Variants in ZNF845 observed in about 807,000 individuals in gnomAD.
ZNF845 encodes the protein zinc finger protein 845.
ZNF845 carries 59 observed loss-of-function variants against 76.1 expected under a neutral mutation model. The observed-to-expected ratio is 0.78, with a 90% CI of 0.63 to 0.96. The LOEUF (loss-of-function observed/expected upper bound fraction) is 0.96, where lower values mean the gene tolerates loss of function less well. ZNF845 is among the 40% of genes least tolerant of loss of function. ZNF845 has a pLI of 0.00. For missense variants in ZNF845, 1,045 were observed against 1,172.8 expected (o/e 0.89, Z 1.59); for synonymous variants, 361 against 386.9 (o/e 0.93, Z 0.78).
intron 1 of ZNF845, among the ~76,000 whole-genome samples, chr19:53,337,640 T>C (rs1206448459): frequency 2.0e-5 from 3 of 152,094 alleles, no homozygotes; most frequent in African/African-American, 7.2e-5. Context: ...GTAATCATGG[T>C]TCACTGCAAC....
rs1941565032 is a variant in ZNF845, at chr19:53,355,093, G to A, written c.*1505G>A. 6.6e-6 allele frequency: 1 copy of A among 151,874 alleles called. No homozygotes were observed. Among genetic ancestry groups the A allele is most frequent in the African/African-American group, 2.4e-5 (1 of 41,286 alleles). The allele number at this position is 151,874 out of a possible 1,614,324, so 9.4% of individuals were successfully genotyped here. A position where few individuals can be genotyped will look rare whatever the true frequency, so the allele number is the denominator to read the frequency against. On this transcript the variant is annotated 3_prime_UTR_variant, in exon 4 of 4. Transcript: ENST00000458035. ...TCCGTATAATTTTTTTGTATTTTTA[G>A]TAGAGACGGGGTTTCACCATGTTGA...
chr19:53,334,282 A>C (rs370278545), intron 1 of ZNF845, among the ~76,000 whole-genome samples: 2 of 152,098 alleles, frequency 1.3e-5, no homozygotes, highest in Non-Finnish European at 2.9e-5. Flanking sequence ...CCTGCCCTGC[A>C]CCAGCCCCTG....
At position 53,352,893 on chromosome 19, in the gene ZNF845, C is replaced by T. The variant is rs951367088; in HGVS notation, c.2218C>T (p.Leu740Phe). 2 of 1,610,364 alleles carry T rather than the reference C, an allele frequency of 1.2e-6. No individual in the cohort carries two copies. The highest frequency in any genetic ancestry group is 1.4e-5 in the African/African-American group (1 of 73,648). Reference sequence around the variant, plus strand: ...GTCATCCCTTACATGCCATCTTAGACTTCATACTGGAGAGAAACCTTACAA... The same window carrying T: ...GTCATCCCTTACATGCCATCTTAGATTTCATACTGGAGAGAAACCTTACAA... ...QKSSLTCHLR[L>F]HTGEKPYKCE... Residue 740 changes from leucine (L) to phenylalanine (F), a missense_variant, in exon 4 of 4, where the codon CTT (leucine) becomes TTT (phenylalanine). By Grantham distance (22) the Leu-to-Phe change is conservative (BLOSUM62 0). Coordinates refer to ENST00000458035, the MANE Select transcript of ZNF845 (RefSeq NM_138374.3).
chr19:53,340,196 C>T (rs564999090), intron 1 of ZNF845, among the ~76,000 whole-genome samples: 1 of 152,320 alleles, frequency 6.6e-6, no homozygotes, highest in Admixed American at 6.5e-5. Flanking sequence ...CGATTACAGG[C>T]GTGTGCTACC....
rs753814075 is a variant in ZNF845, at chr19:53,352,970, CAGG to C, written c.2298_2300del (p.Arg767del). ...GTCGCAAATCAAGCCTTGAAAAACACAGGAGAATTCATACTGGAGAGAAACCAT... is the reference window on the plus strand; with the variant it reads ...GTCGCAAATCAAGCCTTGAAAAACACAGAATTCATACTGGAGAGAAACCAT... On this transcript the variant is annotated inframe_deletion, in exon 4 of 4. Coordinates refer to ENST00000458035, the MANE Select transcript of ZNF845 (RefSeq NM_138374.3). 6.2e-7 allele frequency: 1 copy of C among 1,613,698 alleles called. No homozygotes were observed. The highest frequency in any genetic ancestry group is 8.5e-7 in the Non-Finnish European group (1 of 1,179,884).
rs2085383435 is a variant in ZNF845, at chr19:53,355,988, A to C, written c.*2400A>C. 6.6e-6 allele frequency: 1 copy of C among 152,170 alleles called. No individual in the cohort carries two copies. Among genetic ancestry groups the C allele is most frequent in the Non-Finnish European group, 1.5e-5 (1 of 68,030 alleles). The allele number at this position is 152,170 out of a possible 1,614,324, so 9.4% of individuals were successfully genotyped here. On this transcript the variant is annotated 3_prime_UTR_variant, in exon 4 of 4. Coordinates refer to ENST00000458035, the MANE Select transcript of ZNF845 (RefSeq NM_138374.3). Reference sequence around the variant, plus strand: ...CATCCCATGAATAGGTAGCACTTGGATGTTTACAATCCCTTTTTATATCCT... The same window carrying C: ...CATCCCATGAATAGGTAGCACTTGGCTGTTTACAATCCCTTTTTATATCCT...
rs773405239 is a variant in ZNF845 at position 53,351,656 on chromosome 19, CA to C, written c.983del (p.Lys328SerfsTer188). On this transcript the variant is annotated frameshift_variant, in exon 4 of 4. Coordinates refer to ENST00000458035, the MANE Select transcript of ZNF845 (RefSeq NM_138374.3). LOFTEE classifies it high-confidence loss of function. ...KAIHTGEKSY[K>X]CNECGKTFSQ... The stretch of plus-strand genomic sequence containing the variant: ...CAATTCATACTGGAGAGAAATCTTA[CA>C]AGTGTAATGAATGTGGCAAGACCTT... 5.6e-6 allele frequency: 9 copies of C among 1,614,042 alleles called. No homozygotes were observed. Among genetic ancestry groups the C allele is most frequent in the Non-Finnish European group, 7.6e-6 (9 of 1,179,932 alleles).
chr19:53,353,019 A>C lies in ZNF845; in HGVS notation c.2344A>C (p.Lys782Gln). Reference sequence around the variant, plus strand: ...ACCATACAAATGTAAGGTTTGTGACAAAGCTTTTGGGCGTGATTCACACCT... The same window carrying C: ...ACCATACAAATGTAAGGTTTGTGACCAAGCTTTTGGGCGTGATTCACACCT... ...EKPYKCKVCD[K>Q]AFGRDSHLAQ... The change falls in exon 4 of 4, where the codon AAA becomes CAA. Residue 782 changes from lysine (K) to glutamine (Q), a missense_variant. Transcript: ENST00000458035. 1 of 1,613,706 alleles carries C rather than the reference A, an allele frequency of 6.2e-7. No individual in the cohort carries two copies. Among genetic ancestry groups the C allele is most frequent in the Non-Finnish European group, 8.5e-7 (1 of 1,179,716 alleles).
At chr19:53,338,712 A>ACACG (rs1555821739) in intron 1 of ZNF845, among the ~76,000 whole-genome samples, 1 of 142,190 alleles carries the variant, frequency 7.0e-6, no homozygotes, top group African/African-American at 2.7e-5. Flanking sequence ...ACACACACAC[A>ACACG]CACACACACG....
Position 53,351,236 on chromosome 19 carries a change from C to T in ZNF845, c.561C>T (p.His187=). The T allele has an allele frequency of 3.1e-6, 5 of 1,614,202 alleles. No homozygotes were observed. Among genetic ancestry groups the T allele is most frequent in the Non-Finnish European group, 4.2e-6 (5 of 1,180,036 alleles). Residue 187 remains histidine, a synonymous_variant, in exon 4 of 4, where the codon CAC becomes CAT. Transcript: ENST00000458035. The part of the protein sequence containing the change: ...SQRISCRPKT[H]ISKNYGNNFL... ...GAATTTCTTGTAGGCCTAAAACCCACATTTCTAAGAACTATGGGAATAATT... is the reference window on the plus strand; with the variant it reads ...GAATTTCTTGTAGGCCTAAAACCCATATTTCTAAGAACTATGGGAATAATT...
chr19:53,349,249 T>G (rs1599983674), intron 3 of ZNF845, among the ~76,000 whole-genome samples: 1 of 152,028 alleles, frequency 6.6e-6, no homozygotes, highest in Admixed American at 6.6e-5. Context: ...AGTTCTTATA[T>G]TGTATGCTGC....
intron 1 of ZNF845, among the ~76,000 whole-genome samples, chr19:53,334,587 TAGGG>T (rs1353462084): frequency 1.3e-5 from 2 of 150,624 alleles, no homozygotes; most frequent in African/African-American, 2.4e-5. Context: ...TGTACAGAAT[TAGGG>T]AGGGAAGCAC....
Position 53,352,838 on chromosome 19 carries a change from T to C in ZNF845, c.2163T>C (p.Cys721=). 6.2e-7 allele frequency: 1 copy of C among 1,614,112 alleles called. No individual in the cohort carries two copies. Among genetic ancestry groups the C allele is most frequent in the Non-Finnish European group, 8.5e-7 (1 of 1,180,012 alleles). Reference sequence around the variant, plus strand: ...ATACTGGAGAGAAACCTTACAAGTGTAATGAGTGTGGCAAGGCCTTCAGTC... The same window carrying C: ...ATACTGGAGAGAAACCTTACAAGTGCAATGAGTGTGGCAAGGCCTTCAGTC... ...AIHTGEKPYK[C]NECGKAFSQK... The change falls in exon 4 of 4, where the codon TGT becomes TGC. Residue 721 remains cysteine, a synonymous_variant. Coordinates refer to ENST00000458035, the MANE Select transcript of ZNF845 (RefSeq NM_138374.3).
At chr19:53,334,996 T>G (rs4801977) in intron 1 of ZNF845, among the ~76,000 whole-genome samples, 107,760 of 152,120 alleles carry the variant, frequency 0.71, 39,298 homozygotes, top group African/African-American at 0.9. Context: ...TGACTTCTGT[T>G]TATATAATCT....
At chr19:53,339,981 C>T (rs115727699) in intron 1 of ZNF845, among the ~76,000 whole-genome samples, 6,249 of 152,068 alleles carry the variant, frequency 0.041, 467 homozygotes, top group African/African-American at 0.14. Context: ...CCTCTGGGTT[C>T]AAGCGATTCT....
At chr19:53,337,653 C>T (rs2085225116) in intron 1 of ZNF845, among the ~76,000 whole-genome samples, 1 of 152,124 alleles carries the variant, frequency 6.6e-6, no homozygotes, top group Non-Finnish European at 1.5e-5. Context: ...ACTGCAACCT[C>T]CTCCTCCCGG....
At chr19:53,341,463 C>G in intron 2 of ZNF845, 141 bp downstream of exon 2, 1 of 1,313,326 alleles carries the variant, frequency 7.6e-7, no homozygotes, top group South Asian at 1.3e-5. Context: ...CTCAGTCCCT[C>G]TCATCTCGCT....
Position 53,351,528 on chromosome 19 carries a change from A to G in ZNF845, c.853A>G (p.Thr285Ala). 6.2e-7 allele frequency: 1 copy of G among 1,613,210 alleles called. No individual in the cohort carries two copies. The highest frequency in any genetic ancestry group is 2.2e-5 in the East Asian group (1 of 44,764). ...DCGKTFSQEL[T>A]LTCHHRLHTG... ...TGGCAAGACCTTCAGTCAGGAGTTA[A>G]CCCTTACATGCCATCATAGACTTCA... The change falls in exon 4 of 4, where the codon ACC (threonine) becomes GCC (alanine). Residue 285 changes from threonine to alanine, a missense_variant. Thr to Ala is a moderately conservative substitution (Grantham distance 58). Coordinates refer to ENST00000458035, the MANE Select transcript of ZNF845 (RefSeq NM_138374.3).
In ZNF845 at chr19:53,352,206, G is replaced by A. The variant is rs1188084362; in HGVS notation, c.1531G>A (p.Glu511Lys). ...DEAFSFKSNL[E>K]RHRIIHTGEK... ...AGCTTTCAGTTTCAAATCAAACCTT[G>A]AAAGACATAGGATAATTCATACTGG... The change falls in exon 4 of 4, where the codon GAA (glutamate) becomes AAA (lysine). Residue 511 changes from glutamate to lysine, a missense_variant. By Grantham distance (56) the Glu-to-Lys change is moderately conservative (BLOSUM62 1). Transcript: ENST00000458035. 3 of 1,612,450 alleles carry A rather than the reference G, an allele frequency of 1.9e-6. No homozygotes were observed. The highest frequency in any genetic ancestry group is 2.5e-6 in the Non-Finnish European group (3 of 1,179,510).
Sources: allele counts gnomAD v4.1 joint callset (sites outside exome capture counted in the v4.1 genomes callset), GRCh38; gene constraint gnomAD v4.1.1; transcripts MANE v1.5; gene names NCBI Gene and HGNC (gene_info 2026-07-23, HGNC 2026-07-21).